Variants in CAMTA1 observed in about 807,000 individuals in gnomAD.
CAMTA1 encodes calmodulin binding transcription activator 1.
A neutral mutation model predicts 170.9 loss-of-function variants in CAMTA1; 27 were observed. The observed-to-expected ratio is 0.16, with a 90% CI of 0.12 to 0.22. The LOEUF is 0.22. CAMTA1 is among the 10% of genes least tolerant of loss of function. The pLI is 1.00. For missense variants in CAMTA1, 1,619 were observed against 2,217.2 expected (o/e 0.73, Z 5.42); for synonymous variants, 833 against 891.5 (o/e 0.93, Z 1.17).
intron 3 of CAMTA1, among the ~76,000 whole-genome samples, chr1:6,953,744 G>A (rs1178693263): frequency 6.6e-6 from 1 of 151,770 alleles, no homozygotes; most frequent in Non-Finnish European, 1.5e-5. Flanking sequence ...TAAAAACAAT[G>A]TTCATTCAAT....
chr1:6,851,137 G>C (rs1212496200), intron 3 of CAMTA1, among the ~76,000 whole-genome samples: 1 of 152,150 alleles, frequency 6.6e-6, no homozygotes, highest in Non-Finnish European at 1.5e-5. Flanking sequence ...TGGATCGACA[G>C]GGATCCAGAT....
At chr1:7,071,376 G>T (rs556282107) in intron 3 of CAMTA1, among the ~76,000 whole-genome samples, 1 of 152,292 alleles carries the variant, frequency 6.6e-6, no homozygotes, top group African/African-American at 2.4e-5. Flanking sequence ...AAGATGTATG[G>T]AGTAAATCAT....
In CAMTA1 at chr1:7,173,986, C is replaced by T. The variant is rs879881454; in HGVS notation, c.303-75505C>T. ...TACCTTTGACACCAAGGTTCCCCCA[C>T]CCCTACCCTTCAAGATACCTGGGTA... On this transcript the variant is annotated intron_variant, in intron 4 of 22. Coordinates refer to ENST00000303635, the MANE Select transcript of CAMTA1 (RefSeq NM_015215.4). The surrounding 1 kb of genome is among the most constrained non-coding windows in gnomAD (Gnocchi z 5.4). 1.3e-5 allele frequency among the ~76,000 whole-genome samples: 2 copies of T among 152,128 alleles called. No individual in the cohort carries two copies. The highest frequency in any genetic ancestry group is 2.9e-5 in the Non-Finnish European group (2 of 68,032).
At chr1:7,759,452 T>C (rs1229551324) in intron 22 of CAMTA1, among the ~76,000 whole-genome samples, 1 of 152,194 alleles carries the variant, frequency 6.6e-6, no homozygotes, top group Non-Finnish European at 1.5e-5. Flanking sequence ...CCTCTTAATT[T>C]ATCCAGTAAC....
intron 4 of CAMTA1, among the ~76,000 whole-genome samples, chr1:7,192,849 A>C (rs1654805800): frequency 6.6e-6 from 1 of 152,176 alleles, no homozygotes; most frequent in African/African-American, 2.4e-5. Context: ...AAAAGGAAAG[A>C]AGGAGAACTG....
At chr1:7,077,491 C>T (rs1225359465) in intron 3 of CAMTA1, among the ~76,000 whole-genome samples, 2 of 152,012 alleles carry the variant, frequency 1.3e-5, no homozygotes, top group African/African-American at 4.8e-5. Flanking sequence ...TCCTTTGATT[C>T]TCTCTTTGTG....
chr1:6,816,275 C>T (rs925986544), intron 1 of CAMTA1, among the ~76,000 whole-genome samples: 1 of 152,110 alleles, frequency 6.6e-6, no homozygotes, highest in African/African-American at 2.4e-5. Flanking sequence ...ATTTCATTTC[C>T]TTTATAGGAA....
intron 5 of CAMTA1, among the ~76,000 whole-genome samples, chr1:7,395,143 A>C (rs2149161112): frequency 6.6e-6 from 1 of 152,196 alleles, no homozygotes; most frequent in Non-Finnish European, 1.5e-5. Flanking sequence ...TCAGCCTCCC[A>C]AAGTGCTGGG....
At chr1:7,492,741 A>ACATG (rs1553180596) in intron 6 of CAMTA1, among the ~76,000 whole-genome samples, 5 of 136,246 alleles carry the variant, frequency 3.7e-5, no homozygotes, top group East Asian at 4.8e-4. Flanking sequence ...ACATACACAC[A>ACATG]CGCGCGCACA....
chr1:7,473,689 G>A (rs537221282), intron 6 of CAMTA1, among the ~76,000 whole-genome samples: 2 of 152,366 alleles, frequency 1.3e-5, no homozygotes, highest in South Asian at 4.1e-4. Context: ...GGTCCCTGAG[G>A]GCAACTGAGT....
chr1:7,581,020 G>A (rs2095256369), intron 6 of CAMTA1, among the ~76,000 whole-genome samples: 1 of 152,242 alleles, frequency 6.6e-6, no homozygotes, highest in African/African-American at 2.4e-5. Context: ...CCACACATAC[G>A]TGGTTTTTGA....
At chr1:7,476,194 G>C (rs2093417600) in intron 6 of CAMTA1, among the ~76,000 whole-genome samples, 1 of 152,228 alleles carries the variant, frequency 6.6e-6, no homozygotes, top group African/African-American at 2.4e-5. Context: ...GAGCCAGCCC[G>C]CTGTACTCCA....
At chr1:7,541,684 G>T (rs1397886742) in intron 6 of CAMTA1, among the ~76,000 whole-genome samples, 3 of 152,140 alleles carry the variant, frequency 2.0e-5, no homozygotes, top group African/African-American at 7.2e-5. Context: ...GAAGTTACAC[G>T]GGCGCGTTCC....
At chr1:7,550,324 A>G (rs1207564059) in intron 6 of CAMTA1, among the ~76,000 whole-genome samples, 1 of 152,078 alleles carries the variant, frequency 6.6e-6, no homozygotes, top group Non-Finnish European at 1.5e-5. Context: ...GAGTCCAGTG[A>G]GCAAGTTTAA....
At chr1:7,342,167 G>T (rs184558670) in intron 5 of CAMTA1, among the ~76,000 whole-genome samples, 7 of 152,164 alleles carry the variant, frequency 4.6e-5, no homozygotes, top group African/African-American at 1.7e-4. Flanking sequence ...ATCTGGGAGC[G>T]GTCCCAGGTC....
intron 22 of CAMTA1, among the ~76,000 whole-genome samples, chr1:7,757,062 G>A (rs1446357597): frequency 6.6e-6 from 1 of 151,924 alleles, no homozygotes; most frequent in Non-Finnish European, 1.5e-5. Context: ...ACTTTATTTA[G>A]TCATCTTTAA....
At position 7,732,324 on chromosome 1, in the gene CAMTA1, A is replaced by G. The variant is rs1384132958; in HGVS notation, c.2915-124A>G. The G allele has an allele frequency of 1.3e-6, 1 of 746,434 alleles. No homozygotes were observed. Among genetic ancestry groups the G allele is most frequent in the Middle Eastern group, 3.8e-4 (1 of 2,636 alleles). The allele number at this position is 746,434 out of a possible 1,614,324, so 46.2% of individuals were successfully genotyped here. A position where few individuals can be genotyped will look rare whatever the true frequency, so the allele number is the denominator to read the frequency against. On this transcript the variant is annotated intron_variant, in intron 11 of 22. Transcript: ENST00000303635. This position sits in a 1 kb window ranked among gnomAD's most constrained non-coding sequence, Gnocchi z 4.1. Reference sequence around the variant, plus strand: ...TGCTGGGGAACTCTGGCTGGCGGAGACCTCTCTGGTTTGGTGAAGTTACGG... The same window carrying G: ...TGCTGGGGAACTCTGGCTGGCGGAGGCCTCTCTGGTTTGGTGAAGTTACGG...
At chr1:7,669,556 C>T (rs1267994784) in intron 9 of CAMTA1, among the ~76,000 whole-genome samples, 3 of 152,214 alleles carry the variant, frequency 2.0e-5, no homozygotes, top group African/African-American at 7.2e-5. Flanking sequence ...CTTCTCTGGC[C>T]TGGAGCAGTG....
intron 3 of CAMTA1, among the ~76,000 whole-genome samples, chr1:6,988,589 T>A (rs1430851927): frequency 6.6e-6 from 1 of 152,132 alleles, no homozygotes; most frequent in Non-Finnish European, 1.5e-5. Context: ...AAAAGCCTTT[T>A]GGATTCCCCC....
Sources: allele counts gnomAD v4.1 joint callset (sites outside exome capture counted in the v4.1 genomes callset), GRCh38; gene constraint gnomAD v4.1.1; non-coding constraint Gnocchi (gnomAD v3.1); transcripts MANE v1.5; gene names NCBI Gene and HGNC (gene_info 2026-07-23, HGNC 2026-07-21).